The following LINGO2 variants were observed in gnomAD, a reference collection of about 807,000 sequenced individuals.
The protein encoded by LINGO2 is leucine rich repeat and Ig domain containing 2.
In LINGO2, 14 loss-of-function variants were observed where a neutral mutation model predicts 30.6. That is an observed-to-expected ratio of 0.46 (90% confidence interval 0.30 to 0.72). LINGO2 has a LOEUF of 0.72. Among genes scored for constraint, LINGO2 ranks in the 30% least tolerant of loss-of-function variants. The pLI is 0.07. For missense variants in LINGO2, 729 were observed against 751.7 expected, an observed-to-expected ratio of 0.97 and a Z score of 0.35; for synonymous variants, 317 against 288.5, an observed-to-expected ratio of 1.10 and a Z score of -1.00.
rs1025677547 is a variant in LINGO2, at chr9:28,147,466, G to A, written c.-86-135061C>T. Among the ~76,000 whole-genome samples the A allele has an allele frequency of 6.6e-5, 10 of 152,198 alleles. No individual in the cohort carries two copies. The highest frequency in any genetic ancestry group is 1.5e-4 in the Non-Finnish European group (10 of 68,024). ...GAGGCTGGTGGCCCTTGAGGCCACGGCAGCCATGGAGAAGGCGGGCCTGGC... is the reference window on the plus strand; with the variant it reads ...GAGGCTGGTGGCCCTTGAGGCCACGACAGCCATGGAGAAGGCGGGCCTGGC... On this transcript the variant is annotated intron_variant, in intron 4 of 5. Coordinates refer to ENST00000379992, the Ensembl canonical transcript of LINGO2. The surrounding 1 kb of genome is among the most constrained non-coding windows in gnomAD (Gnocchi z 4.7).
At chr9:28,826,599 A>G in the LINGO2 span, among the ~76,000 whole-genome samples, 3 of 152,304 alleles carry the variant, frequency 2.0e-5, no homozygotes, top group East Asian at 3.9e-4. Context: ...GTGATAATAA[A>G]ATTGGCTAGA....
the LINGO2 span, among the ~76,000 whole-genome samples, chr9:28,916,645 A>G: frequency 6.6e-6 from 1 of 152,180 alleles, no homozygotes. Context: ...TGTACCATCC[A>G]TGTATTGATT....
intron 1 of LINGO2, among the ~76,000 whole-genome samples, chr9:28,563,087 T>A (rs770583138): frequency 1.3e-5 from 2 of 152,104 alleles, no homozygotes; most frequent in Non-Finnish European, 2.9e-5. Flanking sequence ...CCTCAAGTGA[T>A]CCACCCACCT....
chr9:28,760,423 A>G, the LINGO2 span, among the ~76,000 whole-genome samples: 431 of 152,192 alleles, frequency 2.8e-3, 8 homozygotes, highest in African/African-American at 9.9e-3. Context: ...GAGAAAGGGA[A>G]ACAAGATTTT....
chr9:29,178,645 T>C, the LINGO2 span, among the ~76,000 whole-genome samples: 3 of 152,132 alleles, frequency 2.0e-5, no homozygotes, highest in Non-Finnish European at 4.4e-5. Context: ...CGAGACACTT[T>C]GGAAACTATG....
At chr9:28,706,768 T>A in the LINGO2 span, among the ~76,000 whole-genome samples, 1 of 152,110 alleles carries the variant, frequency 6.6e-6, no homozygotes, top group African/African-American at 2.4e-5. Context: ...TGTGTATCAC[T>A]CATCCACCAT....
At chr9:28,777,335 A>G in the LINGO2 span, among the ~76,000 whole-genome samples, 1 of 152,186 alleles carries the variant, frequency 6.6e-6, no homozygotes, top group Non-Finnish European at 1.5e-5. Flanking sequence ...TTGAAACAAT[A>G]CCTCTAAAAC....
the LINGO2 span, among the ~76,000 whole-genome samples, chr9:28,882,261 C>T: frequency 6.6e-6 from 1 of 152,160 alleles, no homozygotes; most frequent in Non-Finnish European, 1.5e-5. Flanking sequence ...CACTTAGCCA[C>T]TAAAACAGCA....
chr9:29,120,276 T>C, the LINGO2 span, among the ~76,000 whole-genome samples: 1,916 of 152,208 alleles, frequency 0.013, 38 homozygotes, highest in African/African-American at 0.043. Context: ...AATAACTATA[T>C]GAAACTACAG....
At chr9:28,995,229 C>G in the LINGO2 span, among the ~76,000 whole-genome samples, 32 of 152,286 alleles carry the variant, frequency 2.1e-4, no homozygotes, top group East Asian at 4.4e-3. Flanking sequence ...AGACACTTCT[C>G]AAAAGAAGAC....
chr9:28,784,947 A>C, the LINGO2 span, among the ~76,000 whole-genome samples: 1 of 108,134 alleles, frequency 9.2e-6, no homozygotes, highest in Non-Finnish European at 1.7e-5. Flanking sequence ...ACTCTGTCTC[A>C]AAAAAAAAAA....
chr9:28,172,779 T>A (rs1828639830), intron 4 of LINGO2, among the ~76,000 whole-genome samples: 1 of 152,198 alleles, frequency 6.6e-6, no homozygotes, highest in South Asian at 2.1e-4. Context: ...CTTCTCGTTT[T>A]TTGTCTTTGA....
At chr9:27,985,343 C>T (rs140321707) in intron 5 of LINGO2, among the ~76,000 whole-genome samples, 133 of 152,004 alleles carry the variant, frequency 8.7e-4, no homozygotes, top group Middle Eastern at 3.4e-3. Context: ...AGGCATCAAA[C>T]ATAAAATTTA....
chr9:28,971,693 C>T, the LINGO2 span, among the ~76,000 whole-genome samples: 1 of 152,240 alleles, frequency 6.6e-6, no homozygotes, highest in South Asian at 2.1e-4. Context: ...GATGGCACCT[C>T]TGGACTAACC....
At chr9:28,354,508 A>G (rs1643167999) in intron 3 of LINGO2, among the ~76,000 whole-genome samples, 1 of 152,202 alleles carries the variant, frequency 6.6e-6, no homozygotes, top group South Asian at 2.1e-4. Flanking sequence ...AATTCTTTCA[A>G]TTCTCAAATG....
the LINGO2 span, among the ~76,000 whole-genome samples, chr9:28,742,073 C>T: frequency 1.3e-4 from 20 of 151,938 alleles, no homozygotes; most frequent in South Asian, 4.1e-4. Flanking sequence ...TCAGGCACTG[C>T]CTGAAGGCTA....
intron 3 of LINGO2, among the ~76,000 whole-genome samples, chr9:28,339,325 A>G (rs1825691037): frequency 6.6e-6 from 1 of 152,174 alleles, no homozygotes. Context: ...ATCCATTTTA[A>G]TTTCCAAAAA....
chr9:29,028,989 G>T, the LINGO2 span, among the ~76,000 whole-genome samples: 1 of 152,106 alleles, frequency 6.6e-6, no homozygotes, highest in East Asian at 1.9e-4. Context: ...TGTATACACA[G>T]CATGATGGTC....
intron 4 of LINGO2, among the ~76,000 whole-genome samples, chr9:28,171,893 G>T (rs1828595753): frequency 6.7e-6 from 1 of 150,204 alleles, no homozygotes. Context: ...GTGGTGGCGG[G>T]CCCCTGTAGT....
Sources: gnomAD v4.1 joint callset for allele counts (sites outside exome capture counted in the v4.1 genomes callset) on GRCh38, gnomAD v4.1.1 for gene constraint, Gnocchi (gnomAD v3.1) non-coding constraint, MANE v1.5 for transcripts, NCBI Gene and HGNC (gene_info 2026-07-23, HGNC 2026-07-21) for gene names.